CHN1: variants seen among roughly 807,000 people sequenced by gnomAD.
CHN1 encodes chimerin 1, also known as N-chimaerin.
A neutral mutation model predicts 59.5 loss-of-function variants in CHN1; 37 were observed. The ratio of observed to expected loss-of-function variants is 0.62; its 90% CI spans 0.48 to 0.82. CHN1 has a LOEUF of 0.82. Among genes scored for constraint, CHN1 ranks in the 40% least tolerant of loss-of-function variants. The pLI, the probability that CHN1 is intolerant of heterozygous loss-of-function variation, is 0.00. For synonymous variants in CHN1, 206 were observed against 200.4 expected, an observed-to-expected ratio of 1.03 and a Z score of -0.24; for missense variants, 469 against 571.0, an observed-to-expected ratio of 0.82 and a Z score of 1.82.
rs564758271 is a variant in CHN1, at chr2:174,812,383, G to A, written c.812C>T (p.Thr271Met). 13 of 1,613,932 alleles carry A rather than the reference G, an allele frequency of 8.1e-6. No homozygotes were observed. The South Asian group carries it at 1.1e-4, about 14-fold the overall frequency. The change falls in exon 9 of 13, where the codon ACG (threonine) becomes ATG (methionine). Residue 271 changes from threonine to methionine, a missense_variant. Physicochemically the swap from Thr to Met is moderately conservative, Grantham distance 81. This residue lies in a region of CHN1 where 225 missense variants were observed against 289.9 expected (regional missense o/e 0.78). Coordinates refer to ENST00000409900, the MANE Select transcript of CHN1 (RefSeq NM_001822.7). Reference protein sequence around the residue: ...HVKKVYSCDLTTLVKAHTTKR... With the variant: ...HVKKVYSCDLMTLVKAHTTKR... The stretch of plus-strand genomic sequence containing the variant: ...AGTGGTATGTGCTTTCACGAGCGTC[G>A]TAAGGTCACAGCTGTACACCTTTTT...
intron 1 of CHN1, among the ~76,000 whole-genome samples, chr2:174,966,410 A>T (rs550769866): frequency 6.6e-6 from 1 of 152,178 alleles, no homozygotes; most frequent in Non-Finnish European, 1.5e-5. Flanking sequence ...ATCACAGAAA[A>T]AAATATTTTG....
In CHN1 at chr2:174,952,175, C is replaced by A; in HGVS notation, c.47G>T (p.Trp16Leu). 6.9e-7 allele frequency: 1 copy of A among 1,453,632 alleles called. No homozygotes were observed. The highest frequency in any genetic ancestry group is 9.1e-7 in the Non-Finnish European group (1 of 1,098,846). 90.0% of individuals were successfully genotyped at this position (1,453,632 alleles called of 1,614,324 possible). The change falls in exon 2 of 13, where the codon TGG (tryptophan) becomes TTG (leucine). Residue 16 changes from tryptophan (W) to leucine (L), a missense_variant. Physicochemically the swap from Trp to Leu is moderately conservative, Grantham distance 61 (BLOSUM62 -2). Around this residue, in one of 5 missense-constraint regions of CHN1, gnomAD observed 152 missense variants for 166.1 expected, o/e 0.92. Transcript: ENST00000409900. ...FDTDEYRPPV[W>L]KSYLYQLQQE... ...ATTTGTAGACTTACAGTAAGATTTC[C>A]AAACAGGAGGTCTATATTCATCTGT...
chr2:174,925,744 C>T (rs575020273), intron 3 of CHN1, among the ~76,000 whole-genome samples: 1 of 152,240 alleles, frequency 6.6e-6, no homozygotes, highest in Admixed American at 6.5e-5. Flanking sequence ...TCTGAATCCA[C>T]CTATGACTGT....
chr2:174,864,934 C>T (rs914159439), intron 6 of CHN1, among the ~76,000 whole-genome samples: 3 of 152,072 alleles, frequency 2.0e-5, no homozygotes, highest in Non-Finnish European at 2.9e-5. Context: ...GTAATTTACA[C>T]AACCACTAAG....
intron 1 of CHN1, among the ~76,000 whole-genome samples, chr2:174,983,574 A>G (rs923237283): frequency 6.6e-6 from 1 of 152,154 alleles, no homozygotes; most frequent in Non-Finnish European, 1.5e-5. Flanking sequence ...TCATGCTTGT[A>G]ATCCCAGCAC....
intron 1 of CHN1, among the ~76,000 whole-genome samples, chr2:174,971,938 T>C (rs544086655): frequency 6.6e-6 from 1 of 152,330 alleles, no homozygotes; most frequent in East Asian, 1.9e-4. Flanking sequence ...CAAGCTCATA[T>C]GAGCAGGAGA....
chr2:174,863,407 T>A (rs527677879), intron 6 of CHN1, among the ~76,000 whole-genome samples: 1 of 152,266 alleles, frequency 6.6e-6, no homozygotes, highest in African/African-American at 2.4e-5. Context: ...CACAGAAGCA[T>A]TTATGAGAAC....
At chr2:175,004,677 G>C (rs1389103411) in intron 1 of CHN1, among the ~76,000 whole-genome samples, 2 of 152,218 alleles carry the variant, frequency 1.3e-5, no homozygotes, top group Non-Finnish European at 2.9e-5. Context: ...GAATTGGCCA[G>C]GGGAGCACAC....
intron 6 of CHN1, among the ~76,000 whole-genome samples, chr2:174,867,651 T>TA (rs1269732178): frequency 6.6e-6 from 1 of 152,014 alleles, no homozygotes; most frequent in African/African-American, 2.4e-5. Context: ...AATGAATGAA[T>TA]AAAAAAATTA....
At chr2:174,857,977 A>G (rs1376719773) in intron 6 of CHN1, among the ~76,000 whole-genome samples, 1 of 152,178 alleles carries the variant, frequency 6.6e-6, no homozygotes, top group African/African-American at 2.4e-5. Context: ...ACTCAGATTG[A>G]TATTATTAGG....
intron 7 of CHN1, among the ~76,000 whole-genome samples, chr2:174,841,756 T>C (rs1024625894): frequency 1.3e-5 from 2 of 152,150 alleles, no homozygotes; most frequent in African/African-American, 4.8e-5. Context: ...TTAAAATGTT[T>C]ATGTTGGACA....
intron 1 of CHN1, among the ~76,000 whole-genome samples, chr2:174,977,037 A>T (rs1226272418): frequency 1.3e-5 from 2 of 152,192 alleles, no homozygotes; most frequent in Non-Finnish European, 2.9e-5. Context: ...CTGTCCTTAG[A>T]CACATTGTTC....
intron 1 of CHN1, among the ~76,000 whole-genome samples, chr2:174,981,917 G>A (rs1376030709): frequency 6.6e-6 from 1 of 152,066 alleles, no homozygotes; most frequent in Non-Finnish European, 1.5e-5. Context: ...TTAAACATTA[G>A]GTATATCTCC....
intron 1 of CHN1, among the ~76,000 whole-genome samples, chr2:174,998,688 T>C (rs892811552): frequency 2.6e-5 from 4 of 152,210 alleles, no homozygotes; most frequent in African/African-American, 9.7e-5. Context: ...CAACTGTGGG[T>C]ATTGGCTCTT....
intron 7 of CHN1, chr2:174,846,279 A>G: frequency 6.5e-7 from 1 of 1,534,704 alleles, no homozygotes; most frequent in Non-Finnish European, 8.8e-7. Flanking sequence ...GATAAACCAC[A>G]TTAACACAAT....
At chr2:174,942,865 C>T (rs1689706135) in intron 3 of CHN1, among the ~76,000 whole-genome samples, 1 of 152,052 alleles carries the variant, frequency 6.6e-6, no homozygotes, top group East Asian at 1.9e-4. Flanking sequence ...GCTTGGGCAA[C>T]ATGGCGAAAC....
rs139144962 is a variant in CHN1 at position 174,937,863 on chromosome 2, C to T, written c.114+7025G>A. Among the ~76,000 whole-genome samples the T allele has an allele frequency of 6.7e-3, 1,019 of 152,204 alleles. 12 individuals carry two copies. Among genetic ancestry groups the T allele is most frequent in the African/African-American group, 0.023 (973 of 41,524 alleles). ...TGCCTTCCACCATGACTGTGAGCTT[C>T]GTGAAGCCTCAGTAGAAGCAAATGC... On this transcript the variant is annotated intron_variant, in intron 3 of 12. Transcript: ENST00000409900.
rs961591324 is a variant in CHN1, at chr2:174,811,409, A to C, written c.964+102T>G. 5 of 708,792 alleles carry C rather than the reference A, an allele frequency of 7.1e-6. No homozygotes were observed. In the African/African-American group the frequency reaches 9.1e-5, roughly 13 times the overall value. 43.9% of individuals were successfully genotyped at this position (708,792 alleles called of 1,614,324 possible). On this transcript the variant is annotated intron_variant, in intron 10 of 12. Transcript: ENST00000409900. The stretch of plus-strand genomic sequence containing the variant: ...TTTTTAATTTGGTATAATAATCATC[A>C]ATGATTTAGAAAAATAATGCAAAAA...
chr2:174,996,199 T>G (rs1226256606), intron 1 of CHN1, among the ~76,000 whole-genome samples: 1 of 152,184 alleles, frequency 6.6e-6, no homozygotes, highest in Non-Finnish European at 1.5e-5. Context: ...GTTTACATTT[T>G]CAGAGAGTAA....
Sources: gnomAD v4.1 joint callset for allele counts (sites outside exome capture counted in the v4.1 genomes callset) on GRCh38, gnomAD v4.1.1 for gene constraint, gnomAD v4.1.1 regional missense constraint, MANE v1.5 for transcripts, NCBI Gene and HGNC (gene_info 2026-07-23, HGNC 2026-07-21) for gene names.